GRK3: variants seen among roughly 807,000 people sequenced by gnomAD.
GRK3 encodes adrenergic, beta, receptor kinase 2.
A neutral mutation model predicts 95.7 loss-of-function variants in GRK3; 54 were observed. The observed-to-expected ratio is 0.56, with a 90% CI of 0.45 to 0.71. GRK3 has a LOEUF of 0.71. Ranked by LOEUF, GRK3 falls within the 30% of genes least tolerant of loss-of-function variation. The pLI, the probability that GRK3 is intolerant of heterozygous loss-of-function variation, is 0.00. For missense variants in GRK3, 649 were observed against 851.2 expected (o/e 0.76, Z 2.96); for synonymous variants, 281 against 290.8 (o/e 0.97, Z 0.34).
At chr22:25,573,974 A>C (rs181069923) in intron 1 of GRK3, among the ~76,000 whole-genome samples, 95 of 152,298 alleles carry the variant, frequency 6.2e-4, no homozygotes, top group South Asian at 2.1e-3. Context: ...ACCACCACCA[A>C]CAACAAAAAC....
chr22:25,609,354 GAC>G (rs1044096800), intron 2 of GRK3, among the ~76,000 whole-genome samples: 3 of 146,232 alleles, frequency 2.1e-5, no homozygotes, highest in African/African-American at 7.6e-5. Context: ...TTTTTTTTAA[GAC>G]AGTCTTGCCC....
At chr22:25,639,558 A>G (rs772879541) in intron 2 of GRK3, among the ~76,000 whole-genome samples, 6 of 152,192 alleles carry the variant, frequency 3.9e-5, no homozygotes, top group African/African-American at 7.2e-5. Context: ...ATTGATTAAG[A>G]TTAGTATGGC....
chr22:25,636,197 T>G (rs552119293), intron 2 of GRK3, among the ~76,000 whole-genome samples: 1 of 152,208 alleles, frequency 6.6e-6, no homozygotes, highest in Non-Finnish European at 1.5e-5. Flanking sequence ...GGAGCTCTAG[T>G]TGCTTTTAAT....
At chr22:25,591,727 C>G (rs182457274) in intron 1 of GRK3, among the ~76,000 whole-genome samples, 47 of 152,310 alleles carry the variant, frequency 3.1e-4, no homozygotes, top group African/African-American at 1.1e-3. Context: ...GCTCCTGCCT[C>G]TTTGTAATCA....
Position 25,714,534 on chromosome 22 carries a change from A to AAG in GRK3, c.1623_1624dup (p.Ala542GlufsTer26). ...AGACACAGATAAAATCGAGGCCAGG[A>AAG]AGAGAGCTAAAAATAAGCAACTTGG... On this transcript the variant is annotated frameshift_variant, in exon 18 of 21. Transcript: ENST00000324198. LOFTEE classifies it high-confidence loss of function. The AAG allele has an allele frequency of 6.2e-7, 1 of 1,610,464 alleles. No homozygotes were observed. Among genetic ancestry groups the AAG allele is most frequent in the Non-Finnish European group, 8.5e-7 (1 of 1,179,002 alleles).
At chr22:25,678,231 G>A (rs2085047303) in intron 8 of GRK3, among the ~76,000 whole-genome samples, 1 of 152,066 alleles carries the variant, frequency 6.6e-6, no homozygotes, top group South Asian at 2.1e-4. Context: ...GAGGTGGGCG[G>A]ATCATGAGGT....
intron 8 of GRK3, among the ~76,000 whole-genome samples, chr22:25,677,642 T>G (rs1192517632): frequency 2.0e-5 from 3 of 152,242 alleles, no homozygotes; most frequent in African/African-American, 7.2e-5. Flanking sequence ...ATCTTGTTTT[T>G]ATATAACTTA....
In GRK3 at chr22:25,687,611, A is replaced by T; in HGVS notation, c.901A>T (p.Ile301Phe). The T allele has an allele frequency of 1.9e-6, 3 of 1,614,170 alleles. No homozygotes were observed. The highest frequency in any genetic ancestry group is 2.5e-6 in the Non-Finnish European group (3 of 1,180,008). Residue 301 changes from isoleucine (I) to phenylalanine (F), a missense_variant, in exon 11 of 21, where the codon ATC becomes TTC. Physicochemically the swap from Ile to Phe is conservative, Grantham distance 21 (BLOSUM62 0). Around this residue, in one of 3 missense-constraint regions of GRK3, gnomAD observed 382 missense variants for 493.8 expected, o/e 0.77. Transcript: ENST00000324198. Reference sequence around the variant, plus strand: ...GGAGATGCGGTTTTATGCCACTGAAATCATTCTGGGTCTGGAACACATGCA... The same window carrying T: ...GGAGATGCGGTTTTATGCCACTGAATTCATTCTGGGTCTGGAACACATGCA... ...EKEMRFYATE[I>F]ILGLEHMHNR...
chr22:25,726,145 A>G lies in GRK3; in HGVS notation c.*3695A>G, dbSNP rs1206954524. 1 of 152,212 alleles carries G rather than the reference A, an allele frequency of 6.6e-6. No individual in the cohort carries two copies. The highest frequency in any genetic ancestry group is 1.5e-5 in the Non-Finnish European group (1 of 68,046). The allele number at this position is 152,212 out of a possible 1,614,324, so 9.4% of individuals were successfully genotyped here. A position where few individuals can be genotyped will look rare whatever the true frequency, so the allele number is the denominator to read the frequency against. ...GGCCACACTGGTCATCTACAAAGTA[A>G]TGTTTACCAATTGACGACAGGGATT... On this transcript the variant is annotated 3_prime_UTR_variant, in exon 21 of 21. Transcript: ENST00000324198.
rs532554661 is a variant in GRK3 at position 25,578,490 on chromosome 22, T to C, written c.113+13337T>C. Among the ~76,000 whole-genome samples the C allele has an allele frequency of 5.3e-5, 8 of 152,280 alleles. 1 individual carries two copies. In the East Asian group the frequency reaches 1.5e-3, roughly 29 times the overall value. ...TAATCCCCAGAACCTATGAACATGT[T>C]ATGTTATATGACAAGGGGGCGTTAG... On this transcript the variant is annotated intron_variant, in intron 1 of 20. Coordinates refer to ENST00000324198, the MANE Select transcript of GRK3 (RefSeq NM_005160.4).
At chr22:25,653,277 A>G (rs968986271) in intron 3 of GRK3, among the ~76,000 whole-genome samples, 3 of 152,190 alleles carry the variant, frequency 2.0e-5, no homozygotes, top group African/African-American at 7.2e-5. Flanking sequence ...TAAAGAACCA[A>G]CCCTCCCCCA....
intron 2 of GRK3, among the ~76,000 whole-genome samples, chr22:25,635,464 C>T (rs2084693428): frequency 6.6e-6 from 1 of 152,162 alleles, no homozygotes; most frequent in Admixed American, 6.5e-5. Flanking sequence ...AACAATTGTT[C>T]CCCAAAATGT....
chr22:25,634,557 A>G (rs915392865), intron 2 of GRK3, among the ~76,000 whole-genome samples: 2 of 152,230 alleles, frequency 1.3e-5, no homozygotes, highest in Admixed American at 1.3e-4. Context: ...GCTGCATTAA[A>G]GCACCTTTAT....
At chr22:25,641,677 A>T (rs2084744192) in intron 2 of GRK3, among the ~76,000 whole-genome samples, 1 of 152,208 alleles carries the variant, frequency 6.6e-6, no homozygotes, top group South Asian at 2.1e-4. Context: ...GAAGTGAGCT[A>T]GTGAGCTGTT....
At chr22:25,593,054 G>A (rs997714252) in intron 1 of GRK3, among the ~76,000 whole-genome samples, 1 of 151,636 alleles carries the variant, frequency 6.6e-6, no homozygotes, top group African/African-American at 2.4e-5. Context: ...TCTTTATCCA[G>A]TCCACCATTG....
rs548080644 is a variant in GRK3 at position 25,671,255 on chromosome 22, G to C, written c.504-1041G>C. Among the ~76,000 whole-genome samples, 373 of 152,234 alleles carry C rather than the reference G, an allele frequency of 2.5e-3. 6 individuals are homozygous for C. Among genetic ancestry groups the C allele is most frequent in the Non-Finnish European group, 2.7e-3 (187 of 68,008 alleles). ...CTCCGGAGGCTGAGGCAGAAGAATG[G>C]CGTGAACCCGGGAGGCGGAGCTTGC... On this transcript the variant is annotated intron_variant, in intron 6 of 20. Transcript: ENST00000324198.
At chr22:25,699,336 C>T (rs766501686) in intron 13 of GRK3, among the ~76,000 whole-genome samples, 1 of 152,180 alleles carries the variant, frequency 6.6e-6, no homozygotes, top group Non-Finnish European at 1.5e-5. Context: ...GGCAGGGTCT[C>T]TGAGGCACAG....
At chr22:25,667,102 A>G (rs1430308790) in intron 5 of GRK3, among the ~76,000 whole-genome samples, 1 of 152,158 alleles carries the variant, frequency 6.6e-6, no homozygotes, top group African/African-American at 2.4e-5. Context: ...TTGGGAGTGC[A>G]CCTGCCTGCA....
At chr22:25,648,104 A>T (rs2084799818) in intron 3 of GRK3, 1 of 578,672 alleles carries the variant, frequency 1.7e-6, no homozygotes, top group African/African-American at 1.9e-5. Context: ...CGACAAGAGC[A>T]AAAACTCCGT....
Sources: allele counts gnomAD v4.1 joint callset (sites outside exome capture counted in the v4.1 genomes callset), GRCh38; gene constraint gnomAD v4.1.1; regional missense constraint gnomAD v4.1.1; transcripts MANE v1.5; gene names NCBI Gene and HGNC (gene_info 2026-07-23, HGNC 2026-07-21).